The following ADAMTS16 variants were observed in gnomAD, a reference collection of about 807,000 sequenced individuals.
The protein encoded by ADAMTS16 is ADAM metallopeptidase with thrombospondin type 1 motif 16, also known as A disintegrin and metalloproteinase with thrombospondin motifs 16.
Under a neutral mutation model 145.8 loss-of-function variants are expected in ADAMTS16, and 94 were observed. The observed-to-expected ratio is 0.64, with a 90% CI of 0.55 to 0.77. ADAMTS16 has a LOEUF of 0.77. Among genes scored for constraint, ADAMTS16 ranks in the 30% least tolerant of loss-of-function variants. ADAMTS16 has a pLI of 0.00. For synonymous variants in ADAMTS16, 659 were observed against 604.3 expected, an observed-to-expected ratio of 1.09 and a Z score of -1.33; for missense variants, 1,585 against 1,591.5, an observed-to-expected ratio of 1.00 and a Z score of 0.07.
intron 17 of ADAMTS16, among the ~76,000 whole-genome samples, chr5:5,247,973 C>T (rs553810170): frequency 2.5e-4 from 38 of 152,346 alleles, no homozygotes; most frequent in Middle Eastern, 3.4e-3. Flanking sequence ...CAGGAATACA[C>T]CTTTGAGCTA....
intron 18 of ADAMTS16, among the ~76,000 whole-genome samples, chr5:5,279,103 A>C (rs539136646): frequency 1.3e-4 from 20 of 151,918 alleles, no homozygotes; most frequent in Non-Finnish European, 2.6e-4. Context: ...TTTTCCCTGC[A>C]CTCCTCATTC....
intron 14 of ADAMTS16, 109 bp downstream of exon 14, chr5:5,237,208 C>T: frequency 1.6e-6 from 2 of 1,213,466 alleles, no homozygotes; most frequent in Non-Finnish European, 2.3e-6. Context: ...GCCTTTCCCT[C>T]TAAGTTGCAG....
intron 6 of ADAMTS16, among the ~76,000 whole-genome samples, chr5:5,188,839 T>C (rs1159162868): frequency 6.6e-6 from 1 of 151,892 alleles, no homozygotes; most frequent in African/African-American, 2.4e-5. Flanking sequence ...GGGGAGGGGG[T>C]TGCTGAACAT....
At chr5:5,153,587 C>T (rs771459264) in intron 3 of ADAMTS16, among the ~76,000 whole-genome samples, 6 of 152,098 alleles carry the variant, frequency 3.9e-5, no homozygotes, top group Admixed American at 6.5e-5. Context: ...ATTAATAAAT[C>T]GTTCAATCAC....
In ADAMTS16 at chr5:5,140,509, G is replaced by C; in HGVS notation, c.42G>C (p.Leu14=). The C allele has an allele frequency of 6.6e-7, 1 of 1,519,654 alleles. No homozygotes were observed. Among genetic ancestry groups the C allele is most frequent in the Non-Finnish European group, 8.7e-7 (1 of 1,144,102 alleles). The allele number at this position is 1,519,654 out of a possible 1,614,324, so 94.1% of individuals were successfully genotyped here. Residue 14 remains leucine, a synonymous_variant, in exon 1 of 23, where the codon CTG becomes CTC. Coordinates refer to ENST00000274181, the MANE Select transcript of ADAMTS16 (RefSeq NM_139056.4). The part of the protein sequence containing the change: ...RARGWRGLAA[L]WMLLAQVAEQ... Reference sequence around the variant, plus strand: ...GCGGATGGCGGGGCTTGGCGGCGCTGTGGATGCTGTTGGCGCAGGTGGCCG... The same window carrying C: ...GCGGATGGCGGGGCTTGGCGGCGCTCTGGATGCTGTTGGCGCAGGTGGCCG...
At chr5:5,187,116 C>A (rs756577971) in intron 5 of ADAMTS16, among the ~76,000 whole-genome samples, 3 of 152,334 alleles carry the variant, frequency 2.0e-5, no homozygotes, top group African/African-American at 7.2e-5. Flanking sequence ...GCTGCTCTGA[C>A]GCGTGGAAGT....
chr5:5,248,581 G>A (rs1395232622), intron 17 of ADAMTS16, among the ~76,000 whole-genome samples: 1 of 152,226 alleles, frequency 6.6e-6, no homozygotes, highest in African/African-American at 2.4e-5. Flanking sequence ...ACAAAGTTAA[G>A]TGATTGTAAG....
chr5:5,187,117 G>A (rs541704807), intron 5 of ADAMTS16, among the ~76,000 whole-genome samples: 10 of 152,188 alleles, frequency 6.6e-5, no homozygotes, highest in African/African-American at 9.7e-5. Flanking sequence ...CTGCTCTGAC[G>A]CGTGGAAGTG....
chr5:5,285,887 G>T (rs923360431), intron 18 of ADAMTS16, among the ~76,000 whole-genome samples: 1 of 152,136 alleles, frequency 6.6e-6, no homozygotes, highest in African/African-American at 2.4e-5. Context: ...TTCTTCAGTA[G>T]AACCTTTTCT....
chr5:5,311,322 A>C lies in ADAMTS16; in HGVS notation c.3411+4594A>C, dbSNP rs915269410. 7.9e-4 allele frequency among the ~76,000 whole-genome samples: 119 copies of C among 151,248 alleles called. 3 individuals carry two copies. In the East Asian group the frequency reaches 0.02, roughly 25 times the overall value. On this transcript the variant is annotated intron_variant, in intron 21 of 22. Coordinates refer to ENST00000274181, the MANE Select transcript of ADAMTS16 (RefSeq NM_139056.4). ...AGGCAAAAAAAAAAAAAAAAACAAA[A>C]AAACAAAAAAACATTCTTATTGTTT...
intron 9 of ADAMTS16, among the ~76,000 whole-genome samples, chr5:5,204,064 G>A (rs1324738302): frequency 6.6e-6 from 1 of 152,204 alleles, no homozygotes; most frequent in Non-Finnish European, 1.5e-5. Context: ...AGACTAGAGG[G>A]CAGGCACTTT....
chr5:5,234,966 A>G, intron 12 of ADAMTS16, 48 bp from the exon 13 acceptor site: 2 of 1,428,530 alleles, frequency 1.4e-6, no homozygotes, highest in Non-Finnish European at 1.9e-6. Flanking sequence ...TAAAGAATTT[A>G]GTAGCTACTA....
At chr5:5,308,871 A>G (rs1031258292) in intron 21 of ADAMTS16, among the ~76,000 whole-genome samples, 1 of 150,170 alleles carries the variant, frequency 6.7e-6, no homozygotes, top group African/African-American at 2.5e-5. Flanking sequence ...AATTGCTTGA[A>G]CCCAGGAGGC....
chr5:5,249,620 T>C (rs983025107), intron 17 of ADAMTS16, among the ~76,000 whole-genome samples: 1 of 151,442 alleles, frequency 6.6e-6, no homozygotes, highest in Non-Finnish European at 1.5e-5. Flanking sequence ...TGTGTTACAA[T>C]ACTCTCTCAG....
chr5:5,241,887 G>T (rs994093072), intron 16 of ADAMTS16, among the ~76,000 whole-genome samples, 166 bp from the exon 17 acceptor site: 2 of 152,082 alleles, frequency 1.3e-5, no homozygotes, highest in African/African-American at 4.8e-5. Context: ...AGATGGGAGG[G>T]TTCAGAAATT....
chr5:5,281,757 T>G (rs973332019), intron 18 of ADAMTS16, among the ~76,000 whole-genome samples: 2 of 152,176 alleles, frequency 1.3e-5, no homozygotes, highest in African/African-American at 2.4e-5. Flanking sequence ...ACTACCCTAT[T>G]GGGTGGTTTA....
chr5:5,215,705 T>TATATA (rs1393409562), intron 10 of ADAMTS16, among the ~76,000 whole-genome samples: 7 of 123,294 alleles, frequency 5.7e-5, no homozygotes, highest in African/African-American at 2.6e-4. Context: ...TACATATATA[T>TATATA]ATATATATGT....
intron 17 of ADAMTS16, among the ~76,000 whole-genome samples, chr5:5,242,604 G>A (rs754841794): frequency 1.1e-4 from 16 of 152,126 alleles, no homozygotes; most frequent in Non-Finnish European, 1.5e-4. Flanking sequence ...TGTTCAAAAC[G>A]TTTCCTGGAA....
At chr5:5,186,398 A>T in intron 5 of ADAMTS16, 147 bp downstream of exon 5, 1 of 789,260 alleles carries the variant, frequency 1.3e-6, no homozygotes, top group Non-Finnish European at 2.0e-6. Context: ...TATTGGTGAT[A>T]ACTCATTTAG....
Sources: allele counts gnomAD v4.1 joint callset (sites outside exome capture counted in the v4.1 genomes callset), GRCh38; gene constraint gnomAD v4.1.1; transcripts MANE v1.5; gene names NCBI Gene and HGNC (gene_info 2026-07-23, HGNC 2026-07-21).